The following FREM3 variants were observed in gnomAD, a reference collection of about 807,000 sequenced individuals.
FREM3 encodes FRAS1 related extracellular matrix 3.
A neutral mutation model predicts 129.1 loss-of-function variants in FREM3; 105 were observed. The observed-to-expected ratio is 0.81, with a 90% confidence interval of 0.69 to 0.96. FREM3 has a LOEUF of 0.96. Ranked by LOEUF, FREM3 falls within the 40% of genes least tolerant of loss-of-function variation. The pLI, the probability that FREM3 is intolerant of heterozygous loss-of-function variation, is 0.00. For missense variants in FREM3, 2,593 were observed against 2,666.3 expected, an observed-to-expected ratio of 0.97 and a Z score of 0.61; for synonymous variants, 1,014 against 1,044.9, an observed-to-expected ratio of 0.97 and a Z score of 0.57.
chr4:143,619,525 C>T (rs73852683), intron 5 of FREM3, among the ~76,000 whole-genome samples: 123 of 152,142 alleles, frequency 8.1e-4, no homozygotes, highest in African/African-American at 2.9e-3. Context: ...TGGTATTTGT[C>T]CTCACCTACT....
chr4:143,601,955 C>A (rs1425780672), intron 6 of FREM3: 1 of 151,980 alleles, frequency 6.6e-6, no homozygotes, highest in Non-Finnish European at 1.5e-5. Context: ...TTCCTCAGCT[C>A]CATCTGGAAA....
At chr4:143,659,406 T>A (rs1739662763) in intron 2 of FREM3, among the ~76,000 whole-genome samples, 1 of 152,148 alleles carries the variant, frequency 6.6e-6, no homozygotes, top group South Asian at 2.1e-4. Context: ...TCCATGTCAC[T>A]ACAAAGGACA....
At chr4:143,664,748 G>T (rs1739819672) in intron 2 of FREM3, among the ~76,000 whole-genome samples, 1 of 152,272 alleles carries the variant, frequency 6.6e-6, no homozygotes, top group East Asian at 1.9e-4. Context: ...CACCCAGTTC[G>T]AGCTTCCCAG....
At position 143,611,479 on chromosome 4, in the gene FREM3, A is replaced by C; in HGVS notation, c.5828T>G (p.Ile1943Ser). The C allele has an allele frequency of 6.5e-7, 1 of 1,537,132 alleles. No homozygotes were observed. The highest frequency in any genetic ancestry group is 8.7e-7 in the Non-Finnish European group (1 of 1,146,790). Residue 1943 changes from isoleucine (I) to serine (S), a missense_variant, in exon 6 of 8, where the codon ATC (isoleucine) becomes AGC (serine). Transcript: ENST00000329798. ...GCTGGTGTGGTCTTCTGGACGTGAG[A>C]TGTAATCAGAGAATAACACTGTGGA... Reference protein sequence around the residue: ...ISSTVLFSDYISRPEDHTSIL... With the variant: ...ISSTVLFSDYSSRPEDHTSIL...
At chr4:143,610,099 C>CCCTG (rs1199667936) in intron 6 of FREM3, among the ~76,000 whole-genome samples, 1 of 152,126 alleles carries the variant, frequency 6.6e-6, no homozygotes, top group African/African-American at 2.4e-5. Context: ...AAGCATGGAT[C>CCCTG]TCAGGGCCTG....
chr4:143,653,236 A>G (rs1739543640), intron 2 of FREM3, among the ~76,000 whole-genome samples: 1 of 152,226 alleles, frequency 6.6e-6, no homozygotes, highest in Non-Finnish European at 1.5e-5. Flanking sequence ...TGGGGGTCTC[A>G]AAAGACTGAA....
chr4:143,614,595 C>A (rs1738813406), intron 5 of FREM3, among the ~76,000 whole-genome samples: 1 of 152,140 alleles, frequency 6.6e-6, no homozygotes, highest in South Asian at 2.1e-4. Flanking sequence ...ATTAAAGATT[C>A]ATTGTTTGCA....
intron 2 of FREM3, among the ~76,000 whole-genome samples, chr4:143,675,352 GAC>G (rs1478894934): frequency 1.3e-5 from 2 of 152,022 alleles, no homozygotes; most frequent in African/African-American, 4.8e-5. Flanking sequence ...CGAGAACAAA[GAC>G]ACAACATACC....
Position 143,696,900 on chromosome 4 carries a change from T to C in FREM3, c.3776A>G (p.Glu1259Gly). 1 of 1,537,708 alleles carries C rather than the reference T, an allele frequency of 6.5e-7. No individual in the cohort carries two copies. The highest frequency in any genetic ancestry group is 8.7e-7 in the Non-Finnish European group (1 of 1,147,018). ...CACAATGGTGGAGGCCTCCTGGATC[T>C]CCTTGAGGGTGAAGCTGTGGATGGG... is the stretch of plus-strand genomic sequence containing the variant. ...SQPIHSFTLKEIQEASTIVYE... is the reference protein window; with the variant it reads ...SQPIHSFTLKGIQEASTIVYE... Residue 1259 changes from glutamate to glycine, a missense_variant, in exon 1 of 8, where the codon GAG becomes GGG. Coordinates refer to ENST00000329798, the MANE Select transcript of FREM3 (RefSeq NM_001168235.2).
At chr4:143,592,419 CT>C (rs1432976612) in intron 6 of FREM3, among the ~76,000 whole-genome samples, 1 of 152,050 alleles carries the variant, frequency 6.6e-6, no homozygotes, top group Non-Finnish European at 1.5e-5. Context: ...GTCAGGAGCT[CT>C]TTTAGGACAG....
chr4:143,650,940 A>C (rs1159520313), intron 2 of FREM3, among the ~76,000 whole-genome samples: 2 of 152,210 alleles, frequency 1.3e-5, no homozygotes, highest in Non-Finnish European at 2.9e-5. Context: ...TCAATGAACT[A>C]TGAATTTTTT....
rs1406760766 is a variant in FREM3 at position 143,699,739 on chromosome 4, T to C, written c.937A>G (p.Met313Val). 6.6e-7 allele frequency: 1 copy of C among 1,519,280 alleles called. No individual in the cohort carries two copies. Among genetic ancestry groups the C allele is most frequent in the Non-Finnish European group, 8.8e-7 (1 of 1,136,760 alleles). The allele number at this position is 1,519,280 out of a possible 1,614,324, so 94.1% of individuals were successfully genotyped here. ...TPPRPSFMAT[M>V]MMEVDPLVLT... ...ACCAGTGGATCCACCTCCATCATCA[T>C]CGTGGCCATGAAGCTGGGCCTGGGC... is the stretch of plus-strand genomic sequence containing the variant. Residue 313 changes from methionine (M) to valine (V), a missense_variant, in exon 1 of 8, where the codon ATG becomes GTG. By Grantham distance (21) the Met-to-Val change is conservative. Around this residue, in one of 2 missense-constraint regions of FREM3, gnomAD observed 2,276 missense variants for 2,267.2 expected, o/e 1.00. Coordinates refer to ENST00000329798, the MANE Select transcript of FREM3 (RefSeq NM_001168235.2). The surrounding 1 kb of genome is among the most constrained non-coding windows in gnomAD (Gnocchi z 4.2).
Position 143,695,503 on chromosome 4 carries a change from C to G in FREM3, c.5173G>C (p.Val1725Leu). 1 of 1,537,104 alleles carries G rather than the reference C, an allele frequency of 6.5e-7. No individual in the cohort carries two copies. Among genetic ancestry groups the G allele is most frequent in the Non-Finnish European group, 8.7e-7 (1 of 1,146,748 alleles). Residue 1725 changes from valine (V) to leucine (L), a missense_variant, in exon 1 of 8, where the codon GTG becomes CTG. Physicochemically the swap from Val to Leu is conservative, Grantham distance 32. Transcript: ENST00000329798. Reference protein sequence around the residue: ...KTGLGNQSTRVFTQADIDEMK... With the variant: ...KTGLGNQSTRLFTQADIDEMK... ...AATACATACTAACCTTGTGTAAACA[C>G]TCGAGTGCTCTGGTTTCCAAGGCCA...
intron 1 of FREM3, among the ~76,000 whole-genome samples, chr4:143,693,452 A>G (rs989298002): frequency 1.3e-5 from 2 of 152,160 alleles, no homozygotes; most frequent in Admixed American, 6.5e-5. Context: ...AAAATAACAG[A>G]TGCTGGGTGA....
intron 2 of FREM3, among the ~76,000 whole-genome samples, chr4:143,657,891 A>G (rs1371556740): frequency 3.3e-5 from 5 of 152,138 alleles, no homozygotes; most frequent in Non-Finnish European, 7.4e-5. Context: ...TGCCCATGCC[A>G]GAAATCTGGG....
In FREM3 at chr4:143,696,441, T is replaced by C; in HGVS notation, c.4235A>G (p.Asp1412Gly). Residue 1412 changes from aspartate (D) to glycine (G), a missense_variant, in exon 1 of 8, where the codon GAC (aspartate) becomes GGC (glycine). Coordinates refer to ENST00000329798, the MANE Select transcript of FREM3 (RefSeq NM_001168235.2). Reference sequence around the variant, plus strand: ...GCCAATGGTGACATAGAAGTAGTGGTCTGTCAAAGTGTTAACCCCATCAGT... The same window carrying C: ...GCCAATGGTGACATAGAAGTAGTGGCCTGTCAAAGTGTTAACCCCATCAGT... ...DVTDGVNTLTDHYFYVTIGNL... is the reference protein window; with the variant it reads ...DVTDGVNTLTGHYFYVTIGNL... The C allele has an allele frequency of 6.5e-7, 1 of 1,537,644 alleles. No individual in the cohort carries two copies. Among genetic ancestry groups the C allele is most frequent in the South Asian group, 1.2e-5 (1 of 84,050 alleles).
At chr4:143,662,012 C>T (rs968003984) in intron 2 of FREM3, among the ~76,000 whole-genome samples, 2 of 151,752 alleles carry the variant, frequency 1.3e-5, no homozygotes, top group African/African-American at 4.8e-5. Context: ...AGCAGTCTAT[C>T]AATTTTGTTG....
chr4:143,621,262 T>A (rs1041665914), intron 4 of FREM3, 100 bp from the exon 5 acceptor site: 9 of 1,066,774 alleles, frequency 8.4e-6, no homozygotes, highest in Non-Finnish European at 1.1e-5. Flanking sequence ...GACTCTTATA[T>A]TTTCCAACAT....
intron 2 of FREM3, among the ~76,000 whole-genome samples, chr4:143,656,323 C>T (rs771069233): frequency 4.4e-4 from 67 of 152,152 alleles, no homozygotes; most frequent in Non-Finnish European, 7.4e-4. Context: ...GAAATTCCTC[C>T]GTGCAAAATT....
Sources: allele counts gnomAD v4.1 joint callset (sites outside exome capture counted in the v4.1 genomes callset), GRCh38; gene constraint gnomAD v4.1.1; regional missense constraint gnomAD v4.1.1; non-coding constraint Gnocchi (gnomAD v3.1); transcripts MANE v1.5; gene names NCBI Gene and HGNC (gene_info 2026-07-23, HGNC 2026-07-21).